Variants in ELP4 observed in about 807,000 individuals in gnomAD.
ELP4 encodes the protein elongator complex protein 4.
In ELP4, 51 loss-of-function variants were observed where a neutral mutation model predicts 48.9. That is an observed-to-expected ratio of 1.04 (90% CI 0.83 to 1.32). ELP4 has a LOEUF of 1.32. ELP4 is among the 40% of genes most tolerant of loss of function. The pLI, the probability that ELP4 is intolerant of heterozygous loss-of-function variation, is 0.00. For missense variants in ELP4, 519 were observed against 514.6 expected, an observed-to-expected ratio of 1.01 and a Z score of -0.08; for synonymous variants, 210 against 189.2, an observed-to-expected ratio of 1.11 and a Z score of -0.90.
chr11:31,763,129 AT>A (rs1947979161), intron 9 of ELP4, among the ~76,000 whole-genome samples: 1 of 152,078 alleles, frequency 6.6e-6, no homozygotes, highest in South Asian at 2.1e-4. Context: ...TTAGATGACC[AT>A]TTTAAAATTA....
chr11:31,763,038 T>A (rs1035164822), intron 9 of ELP4, among the ~76,000 whole-genome samples: 1 of 151,824 alleles, frequency 6.6e-6, no homozygotes, highest in African/African-American at 2.4e-5. Context: ...TAAGCTCAGA[T>A]GTAAACTTTT....
chr11:31,660,526 T>G (rs1044753890), intron 9 of ELP4, among the ~76,000 whole-genome samples: 1 of 152,140 alleles, frequency 6.6e-6, no homozygotes, highest in African/African-American at 2.4e-5. Context: ...TGCTAAAATG[T>G]TGACCAAAAC....
chr11:31,743,255 T>G (rs1431906192), intron 9 of ELP4, among the ~76,000 whole-genome samples: 1 of 152,136 alleles, frequency 6.6e-6, no homozygotes, highest in Non-Finnish European at 1.5e-5. Context: ...AGCAAGTCCT[T>G]AGTGACCTAC....
At chr11:31,692,569 ACTT>A (rs1384794738) in intron 9 of ELP4, among the ~76,000 whole-genome samples, 3 of 152,252 alleles carry the variant, frequency 2.0e-5, no homozygotes, top group South Asian at 2.1e-4. Flanking sequence ...CATTGACTCT[ACTT>A]CTTGCTCCAT....
intron 9 of ELP4, among the ~76,000 whole-genome samples, chr11:31,670,728 T>A (rs16922386): frequency 0.026 from 4,027 of 152,254 alleles, 168 homozygotes; most frequent in African/African-American, 0.091. Flanking sequence ...GTTTCTCAGA[T>A]TTTGTTCTCT....
intron 1 of ELP4, among the ~76,000 whole-genome samples, chr11:31,515,605 A>G (rs1317027854): frequency 6.6e-6 from 1 of 152,192 alleles, no homozygotes; most frequent in Non-Finnish European, 1.5e-5. Context: ...TTCGAGCTGC[A>G]GTGAACCATG....
At chr11:31,747,097 A>T (rs1947612244) in intron 9 of ELP4, among the ~76,000 whole-genome samples, 1 of 152,006 alleles carries the variant, frequency 6.6e-6, no homozygotes, top group Non-Finnish European at 1.5e-5. Context: ...CCTAATTTGA[A>T]AAATGAGTGT....
chr11:31,578,019 A>T (rs1010368914), intron 3 of ELP4, among the ~76,000 whole-genome samples: 1 of 152,218 alleles, frequency 6.6e-6, no homozygotes, highest in African/African-American at 2.4e-5. Flanking sequence ...CTGTTTGCAG[A>T]TGATGTGATT....
At chr11:31,629,199 A>T (rs536076591) in intron 6 of ELP4, among the ~76,000 whole-genome samples, 24 of 152,170 alleles carry the variant, frequency 1.6e-4, no homozygotes, top group African/African-American at 5.5e-4. Context: ...TATATGATAA[A>T]AATGAAATTT....
At chr11:31,716,065 G>A (rs1946836829) in intron 9 of ELP4, among the ~76,000 whole-genome samples, 1 of 152,144 alleles carries the variant, frequency 6.6e-6, no homozygotes, top group South Asian at 2.1e-4. Context: ...CCAGGCTAGA[G>A]TGCAGTGGCA....
At chr11:31,535,501 C>T (rs1245222850) in intron 2 of ELP4, among the ~76,000 whole-genome samples, 2 of 152,116 alleles carry the variant, frequency 1.3e-5, no homozygotes, top group East Asian at 1.9e-4. Flanking sequence ...CACCACCACA[C>T]CCAGCTAATT....
At chr11:31,536,847 A>C (rs1956509995) in intron 2 of ELP4, among the ~76,000 whole-genome samples, 1 of 152,176 alleles carries the variant, frequency 6.6e-6, no homozygotes, top group African/African-American at 2.4e-5. Flanking sequence ...TTCTTACTGC[A>C]TTATGAAAGT....
At chr11:31,667,420 T>C (rs1945703991) in intron 9 of ELP4, among the ~76,000 whole-genome samples, 1 of 152,204 alleles carries the variant, frequency 6.6e-6, no homozygotes, top group Non-Finnish European at 1.5e-5. Context: ...TGGAAGTTTA[T>C]GGAAATTAAT....
At chr11:31,587,085 C>G (rs1731259641) in intron 3 of ELP4, among the ~76,000 whole-genome samples, 1 of 152,208 alleles carries the variant, frequency 6.6e-6, no homozygotes, top group Non-Finnish European at 1.5e-5. Context: ...TTCTTTCCCT[C>G]TGTTTTCTTA....
rs371296259 is a variant in ELP4, at chr11:31,509,831, C to T, written c.47C>T (p.Ser16Phe). The T allele has an allele frequency of 6.2e-6, 10 of 1,614,034 alleles. No individual in the cohort carries two copies. Among genetic ancestry groups the T allele is most frequent in the African/African-American group, 5.3e-5 (4 of 74,938 alleles). The part of the protein sequence containing the change: ...TCGSVAASTG[S>F]AVATASKSNV... ...GGTAGTGTTGCCGCGAGTACTGGGTCTGCAGTGGCGACAGCCAGCAAGAGC... is the reference window on the plus strand; with the variant it reads ...GGTAGTGTTGCCGCGAGTACTGGGTTTGCAGTGGCGACAGCCAGCAAGAGC... Residue 16 changes from serine to phenylalanine, a missense_variant, in exon 1 of 10, where the codon TCT (serine) becomes TTT (phenylalanine). By Grantham distance (155) the Ser-to-Phe change is radical. Coordinates refer to ENST00000640961, the MANE Select transcript of ELP4 (RefSeq NM_019040.5).
At chr11:31,527,961 T>C (rs1956325516) in intron 2 of ELP4, among the ~76,000 whole-genome samples, 1 of 152,098 alleles carries the variant, frequency 6.6e-6, no homozygotes, top group African/African-American at 2.4e-5. Flanking sequence ...TTTAATTCCA[T>C]TCTCTCCTGT....
intron 3 of ELP4, among the ~76,000 whole-genome samples, chr11:31,590,672 T>G (rs1957552806): frequency 6.6e-6 from 1 of 152,226 alleles, no homozygotes; most frequent in Admixed American, 6.5e-5. Flanking sequence ...TAGTGGCTTA[T>G]GCTTCTGAGG....
intron 5 of ELP4, among the ~76,000 whole-genome samples, chr11:31,605,321 T>C (rs903780296): frequency 6.6e-6 from 1 of 152,124 alleles, no homozygotes; most frequent in Non-Finnish European, 1.5e-5. Context: ...CCTTACTAGC[T>C]CACTAAATTT....
chr11:31,551,373 C>T (rs1440691906), intron 3 of ELP4, among the ~76,000 whole-genome samples: 1 of 152,130 alleles, frequency 6.6e-6, no homozygotes, highest in Non-Finnish European at 1.5e-5. Context: ...ACATTGTCCC[C>T]ATAAACTAGT....
Sources: allele counts gnomAD v4.1 joint callset (sites outside exome capture counted in the v4.1 genomes callset), GRCh38; gene constraint gnomAD v4.1.1; transcripts MANE v1.5; gene names NCBI Gene and HGNC (gene_info 2026-07-23, HGNC 2026-07-21).